ACAD10: variants seen among roughly 807,000 people sequenced by gnomAD.
ACAD10 encodes ACAD-10.
In ACAD10, 112 loss-of-function variants were observed where a neutral mutation model predicts 116.8. The observed-to-expected ratio is 0.96, with a 90% confidence interval of 0.82 to 1.12. ACAD10 has a LOEUF of 1.12. Ranked by LOEUF, ACAD10 falls within the 50% of genes most tolerant of loss-of-function variation. The pLI, the probability that ACAD10 is intolerant of heterozygous loss-of-function variation, is 0.00. For synonymous variants in ACAD10, 486 were observed against 510.6 expected (o/e 0.95, Z 0.65); for missense variants, 1,259 against 1,350.2 (o/e 0.93, Z 1.06).
intron 7 of ACAD10, among the ~76,000 whole-genome samples, chr12:111,720,932 C>T (rs555198642): frequency 4.0e-5 from 6 of 151,688 alleles, no homozygotes; most frequent in Admixed American, 6.6e-5. Context: ...TACAGGCACG[C>T]GCCACCATGC....
At chr12:111,746,115 G>A in intron 13 of ACAD10, 29 bp from the exon 14 acceptor site, 1 of 1,601,860 alleles carries the variant, frequency 6.2e-7, no homozygotes, top group Non-Finnish European at 8.5e-7. Flanking sequence ...CTTCCACTGT[G>A]GTTTCCTGAC....
At chr12:111,703,905 T>TTA (rs145548072) in intron 3 of ACAD10, among the ~76,000 whole-genome samples, 16,313 of 145,364 alleles carry the variant, frequency 0.11, 1,010 homozygotes, top group South Asian at 0.29. Flanking sequence ...TTTCCACAAT[T>TTA]TATATATATA....
chr12:111,686,282 C>G (rs1467529292), intron 1 of ACAD10, 43 bp downstream of exon 1: 1 of 152,420 alleles, frequency 6.6e-6, no homozygotes, highest in Non-Finnish European at 1.5e-5. Flanking sequence ...GAACTTTGCC[C>G]CTTTTGTTGT....
intron 2 of ACAD10, among the ~76,000 whole-genome samples, chr12:111,698,189 G>A (rs1380907913): frequency 6.6e-6 from 1 of 151,000 alleles, no homozygotes; most frequent in African/African-American, 2.4e-5. Context: ...GTAGAGATGG[G>A]GTTTCACCAT....
At chr12:111,756,249 C>T (rs1377156319) in intron 20 of ACAD10, 84 bp from the exon 21 acceptor site, 86 of 1,483,464 alleles carry the variant, frequency 5.8e-5, no homozygotes, top group Admixed American at 7.9e-5. Context: ...TTGTTATGGG[C>T]CATCAAGAGC....
intron 1 of ACAD10, among the ~76,000 whole-genome samples, chr12:111,689,538 AT>A (rs903765606): frequency 6.0e-5 from 9 of 151,230 alleles, no homozygotes; most frequent in Admixed American, 4.0e-4. Flanking sequence ...CGCCTGGCTA[AT>A]TTTTTTTCTG....
intron 4 of ACAD10, among the ~76,000 whole-genome samples, chr12:111,707,645 A>C (rs908038077): frequency 6.6e-6 from 1 of 152,214 alleles, no homozygotes; most frequent in South Asian, 2.1e-4. Context: ...AATTTCTCTG[A>C]TAACTCAAGT....
chr12:111,755,787 A>T (rs1008315942), intron 20 of ACAD10, 42 bp downstream of exon 20: 2 of 1,582,474 alleles, frequency 1.3e-6, no homozygotes, highest in Admixed American at 1.7e-5. Flanking sequence ...AACCATCAAT[A>T]CTAGATGCCA....
intron 12 of ACAD10, among the ~76,000 whole-genome samples, chr12:111,739,627 G>A (rs946076599): frequency 6.6e-6 from 1 of 152,064 alleles, no homozygotes; most frequent in African/African-American, 2.4e-5. Context: ...GCCTGGTGGC[G>A]GGCACCTGTA....
At chr12:111,753,354 A>C in intron 18 of ACAD10, 1 of 386,418 alleles carries the variant, frequency 2.6e-6, no homozygotes, top group South Asian at 1.9e-5. Flanking sequence ...TGCTGCGGTC[A>C]GCAGAGGGCA....
chr12:111,696,454 G>A (rs529036615), intron 2 of ACAD10, among the ~76,000 whole-genome samples: 12 of 152,250 alleles, frequency 7.9e-5, no homozygotes, highest in Non-Finnish European at 7.3e-5. Flanking sequence ...TGTGACATGT[G>A]AAAATTATGT....
In ACAD10 at chr12:111,755,718, C is replaced by T. The variant is rs2068075986; in HGVS notation, c.3012C>T (p.Ala1004=). 1.2e-6 allele frequency: 2 copies of T among 1,613,904 alleles called. No homozygotes were observed. Among genetic ancestry groups the T allele is most frequent in the Non-Finnish European group, 1.7e-6 (2 of 1,179,960 alleles). Residue 1004 remains alanine (A), a synonymous_variant, in exon 20 of 21, where the codon GCC becomes GCT. Transcript: ENST00000313698. ...AMIKMVAPSM[A]SRVIDRAIQA... is the part of the protein sequence containing the mutation. The stretch of plus-strand genomic sequence containing the variant: ...TTAAAATGGTCGCCCCGTCCATGGC[C>T]TCCCGAGTGATTGATCGTGCGATTC...
intron 20 of ACAD10, 185 bp downstream of exon 20, chr12:111,755,930 C>T (rs1342508967): frequency 1.4e-6 from 1 of 723,536 alleles, no homozygotes; most frequent in East Asian, 2.7e-5. Context: ...CATCGTACCC[C>T]CATTTTGAAT....
intron 4 of ACAD10, 130 bp from the exon 5 acceptor site, chr12:111,709,396 C>A: frequency 1.3e-6 from 1 of 775,944 alleles, no homozygotes; most frequent in Non-Finnish European, 1.9e-6. Flanking sequence ...TATCATAACA[C>A]TCTTAAATTA....
Position 111,756,951 on chromosome 12 carries a change from G to A in ACAD10, c.*478G>A, listed in dbSNP as rs1045009910. 7 of 446,476 alleles carry A rather than the reference G, an allele frequency of 1.6e-5. No homozygotes were observed. The highest frequency in any genetic ancestry group is 3.3e-4 in the Middle Eastern group (1 of 3,030). The allele number at this position is 446,476 out of a possible 1,614,324, so 27.7% of individuals were successfully genotyped here. On this transcript the variant is annotated 3_prime_UTR_variant, in exon 21 of 21. Transcript: ENST00000313698. Reference sequence around the variant, plus strand: ...TGGCCTAGAGACCCAGGACCTGGGCGCCTGGGAAAATGGAATGCAACCCAC... The same window carrying A: ...TGGCCTAGAGACCCAGGACCTGGGCACCTGGGAAAATGGAATGCAACCCAC...
rs887896456 is a variant in ACAD10 at position 111,692,073 on chromosome 12, A to G, written c.-13-624A>G. 2.0e-5 allele frequency among the ~76,000 whole-genome samples: 3 copies of G among 152,084 alleles called. No individual in the cohort carries two copies. The East Asian group carries it at 5.8e-4, about 29-fold the overall frequency. On this transcript the variant is annotated intron_variant, in intron 1 of 20. Coordinates refer to ENST00000313698, the MANE Select transcript of ACAD10 (RefSeq NM_025247.6). ...AACCTCTGCCTCCCGGGTTCAAGCG[A>G]TTCTCCTGCCTCAGCCTCCTGAGTA...
At chr12:111,755,329 C>T (rs7966142) in intron 19 of ACAD10, among the ~76,000 whole-genome samples, 2 of 152,272 alleles carry the variant, frequency 1.3e-5, no homozygotes, top group South Asian at 4.1e-4. Flanking sequence ...TGGTCTCAAA[C>T]TCCTGACCTC....
chr12:111,729,806 G>A lies in ACAD10; in HGVS notation c.1244G>A (p.Gly415Glu). Residue 415 changes from glycine to glutamate, a missense_variant and splice_region_variant, in exon 10 of 21, where the codon GGG becomes GAG. Transcript: ENST00000313698. ...CAAGTTCTAATCCTATTTCCCGCAG[G>A]GGACTATATTCCACGCCAGGTACGA... is the stretch of plus-strand genomic sequence containing the variant. ...AVGLEDYGKQGDYIPRQVRTW... is the reference protein window; with the variant it reads ...AVGLEDYGKQEDYIPRQVRTW... 2 of 1,611,424 alleles carry A rather than the reference G, an allele frequency of 1.2e-6. No homozygotes were observed. Among genetic ancestry groups the A allele is most frequent in the East Asian group, 2.2e-5 (1 of 44,768 alleles).
At chr12:111,723,692 C>G (rs1261195203) in intron 8 of ACAD10, among the ~76,000 whole-genome samples, 1 of 149,008 alleles carries the variant, frequency 6.7e-6, no homozygotes, top group African/African-American at 2.5e-5. Flanking sequence ...TGACCCCCCC[C>G]CCCACCTCCC....
Sources: gnomAD v4.1 joint callset for allele counts (sites outside exome capture counted in the v4.1 genomes callset) on GRCh38, gnomAD v4.1.1 for gene constraint, MANE v1.5 for transcripts, NCBI Gene and HGNC (gene_info 2026-07-23, HGNC 2026-07-21) for gene names.